Variants in ATP13A4 observed in about 807,000 individuals in gnomAD.
The protein encoded by ATP13A4 is probable cation-transporting ATPase 13A4.
A neutral mutation model predicts 142.5 loss-of-function variants in ATP13A4; 114 were observed. The ratio of observed to expected loss-of-function variants is 0.80; its 90% CI spans 0.69 to 0.93. The LOEUF (loss-of-function observed/expected upper bound fraction) is 0.93, where lower values mean the gene tolerates loss of function less well. Among genes scored for constraint, ATP13A4 ranks in the 40% least tolerant of loss-of-function variants. The pLI is 0.00. For missense variants in ATP13A4, 1,392 were observed against 1,454.0 expected (o/e 0.96, Z 0.69); for synonymous variants, 488 against 514.8 (o/e 0.95, Z 0.70).
chr3:193,457,006 C>G lies in ATP13A4; in HGVS notation c.1909G>C (p.Glu637Gln). 1 of 1,612,866 alleles carries G rather than the reference C, an allele frequency of 6.2e-7. No homozygotes were observed. The highest frequency in any genetic ancestry group is 8.5e-7 in the Non-Finnish European group (1 of 1,179,482). ...TCCAAGTCAAGTTACAGACCTGTCT[C>G]AGGTTGGCAAAAGCTGGCCACCCTC... is the stretch of plus-strand genomic sequence containing the variant. ...PERVASFCQP[E>Q]TVPTSFVSEL... The change falls in exon 16 of 30, where the codon GAG becomes CAG. Residue 637 changes from glutamate (E) to glutamine (Q), a missense_variant. Transcript: ENST00000342695.
chr3:193,421,468 T>C (rs1269393081), intron 25 of ATP13A4, among the ~76,000 whole-genome samples: 5 of 149,792 alleles, frequency 3.3e-5, no homozygotes, highest in African/African-American at 1.2e-4. Context: ...CATATGAAAG[T>C]ATAAAATTCA....
rs1270446846 is a variant in ATP13A4 at position 193,488,422 on chromosome 3, GA to G, written c.738+1307del. Among the ~76,000 whole-genome samples the G allele has an allele frequency of 5.1e-4, 78 of 152,252 alleles. 1 individual carries two copies. Among genetic ancestry groups the G allele is most frequent in the African/African-American group, 1.8e-3 (75 of 41,530 alleles). The stretch of plus-strand genomic sequence containing the variant: ...TCTTGAAACAGGACCTGAACACTGG[GA>G]AGTTTTCCCAGCGGGAGGGAGCCTT... On this transcript the variant is annotated intron_variant, in intron 7 of 29. Transcript: ENST00000342695.
At chr3:193,448,049 A>G (rs1362177932) in intron 18 of ATP13A4, among the ~76,000 whole-genome samples, 157 bp downstream of exon 18, 1 of 152,188 alleles carries the variant, frequency 6.6e-6, no homozygotes. Context: ...ATGGAAACTC[A>G]GGGAAAGCAG....
intron 26 of ATP13A4, among the ~76,000 whole-genome samples, chr3:193,412,880 T>G (rs888819541): frequency 6.6e-6 from 1 of 152,132 alleles, no homozygotes; most frequent in Non-Finnish European, 1.5e-5. Context: ...AAAAATTAGC[T>G]GCACATGGCA....
intron 1 of ATP13A4, among the ~76,000 whole-genome samples, chr3:193,521,993 C>T (rs1721745404): frequency 6.6e-6 from 1 of 152,086 alleles, no homozygotes; most frequent in African/African-American, 2.4e-5. Flanking sequence ...CATCTTTCCC[C>T]CTCCACAGTC....
intron 7 of ATP13A4, among the ~76,000 whole-genome samples, chr3:193,487,966 T>C (rs1719725823): frequency 1.3e-5 from 2 of 152,078 alleles, no homozygotes; most frequent in Admixed American, 6.5e-5. Context: ...ATATAATAGG[T>C]TCAAGTTCAA....
At position 193,500,711 on chromosome 3, in the gene ATP13A4, C is replaced by G. The variant is rs143851629; in HGVS notation, c.381+1782G>C. On this transcript the variant is annotated intron_variant, in intron 3 of 29. Transcript: ENST00000342695. ...CTGTGTGGCCTGGTTCCTAACAGGCCATGGACAGGGCACCAATCGGTGGCC... is the reference window on the plus strand; with the variant it reads ...CTGTGTGGCCTGGTTCCTAACAGGCGATGGACAGGGCACCAATCGGTGGCC... Among the ~76,000 whole-genome samples the G allele has an allele frequency of 4.6e-4, 70 of 152,260 alleles. No homozygotes were observed. In the East Asian group the frequency reaches 7.2e-3, roughly 16 times the overall value.
intron 18 of ATP13A4, among the ~76,000 whole-genome samples, chr3:193,443,226 T>G (rs1010553826): frequency 5.9e-5 from 9 of 152,112 alleles, no homozygotes; most frequent in Admixed American, 2.0e-4. Flanking sequence ...GGCGGAATCC[T>G]GGAAAGGAGA....
intron 7 of ATP13A4, among the ~76,000 whole-genome samples, chr3:193,485,032 G>A (rs965554896): frequency 6.6e-6 from 1 of 152,058 alleles, no homozygotes; most frequent in South Asian, 2.1e-4. Flanking sequence ...AAAAAAAATG[G>A]ACAATTCCAG....
chr3:193,548,383 G>A (rs1473017889), intron 1 of ATP13A4, among the ~76,000 whole-genome samples: 2 of 152,144 alleles, frequency 1.3e-5, no homozygotes, highest in African/African-American at 2.4e-5. Context: ...AATTGAGCAG[G>A]GTCCCTGTCT....
chr3:193,590,729 C>T (rs541734224), intron 1 of ATP13A4, among the ~76,000 whole-genome samples: 11 of 152,336 alleles, frequency 7.2e-5, no homozygotes, highest in Non-Finnish European at 1.6e-4. Context: ...AAGATGGAGT[C>T]AACTATGTCA....
At chr3:193,524,022 A>G (rs1285956192) in intron 1 of ATP13A4, among the ~76,000 whole-genome samples, 1 of 152,142 alleles carries the variant, frequency 6.6e-6, no homozygotes, top group East Asian at 1.9e-4. Context: ...TCACCAGTCA[A>G]AGCAGCATGA....
At chr3:193,575,854 A>T (rs1306975893) in intron 2 of ATP13A4, among the ~76,000 whole-genome samples, 1 of 152,200 alleles carries the variant, frequency 6.6e-6, no homozygotes, top group East Asian at 1.9e-4. Context: ...AACAGATGCC[A>T]TTTCCTAAAC....
chr3:193,577,751 T>C (rs1276337532), intron 2 of ATP13A4, among the ~76,000 whole-genome samples: 4 of 152,212 alleles, frequency 2.6e-5, no homozygotes, highest in Non-Finnish European at 5.9e-5. Flanking sequence ...GCTGATGAAG[T>C]AGGACTCATT....
At chr3:193,419,501 G>C (rs1327313988) in intron 25 of ATP13A4, among the ~76,000 whole-genome samples, 1 of 150,018 alleles carries the variant, frequency 6.7e-6, no homozygotes, top group Non-Finnish European at 1.5e-5. Context: ...AGTTGAAGTA[G>C]TGCCCTGTCT....
At chr3:193,551,430 A>AT (rs943349217) in intron 1 of ATP13A4, among the ~76,000 whole-genome samples, 1 of 152,124 alleles carries the variant, frequency 6.6e-6, no homozygotes, top group Middle Eastern at 3.2e-3. Context: ...AAAAAAAAAA[A>AT]GTACATATTC....
intron 25 of ATP13A4, among the ~76,000 whole-genome samples, chr3:193,417,242 G>A (rs956516629): frequency 6.6e-6 from 1 of 152,140 alleles, no homozygotes; most frequent in African/African-American, 2.4e-5. Context: ...AGATTGAAAT[G>A]AAAGAATACA....
At chr3:193,431,413 G>C (rs1715963209) in intron 25 of ATP13A4, among the ~76,000 whole-genome samples, 1 of 151,982 alleles carries the variant, frequency 6.6e-6, no homozygotes, top group Admixed American at 6.6e-5. Context: ...ATAAATTTGG[G>C]ATTCATCAGC....
intron 25 of ATP13A4, among the ~76,000 whole-genome samples, chr3:193,415,745 G>A (rs972775934): frequency 5.3e-5 from 8 of 151,388 alleles, no homozygotes; most frequent in Admixed American, 2.0e-4. Flanking sequence ...AAATGCAGTT[G>A]CCTAGGGCAA....
Sources: gnomAD v4.1 joint callset for allele counts (sites outside exome capture counted in the v4.1 genomes callset) on GRCh38, gnomAD v4.1.1 for gene constraint, MANE v1.5 for transcripts, NCBI Gene and HGNC (gene_info 2026-07-23, HGNC 2026-07-21) for gene names.